Variants in RGS6 observed in about 807,000 individuals in gnomAD.
RGS6 encodes the protein regulator of G-protein signaling 6.
A neutral mutation model predicts 78.5 loss-of-function variants in RGS6; 30 were observed. That is an observed-to-expected ratio of 0.38 (90% CI 0.29 to 0.52). The LOEUF (loss-of-function observed/expected upper bound fraction) is 0.52, where lower values mean the gene tolerates loss of function less well. RGS6 is among the 20% of genes least tolerant of loss of function. The pLI, the probability that RGS6 is intolerant of heterozygous loss-of-function variation, is 0.85. For missense variants in RGS6, 495 were observed against 609.7 expected (o/e 0.81, Z 1.98); for synonymous variants, 206 against 206.0 (o/e 1.00, Z 0.00).
chr14:72,588,244 C>A, the RGS6 span, among the ~76,000 whole-genome samples: 1 of 152,060 alleles, frequency 6.6e-6, no homozygotes, highest in African/African-American at 2.4e-5. Context: ...TGTGGGAGTA[C>A]TTGGGAACTA....
At position 72,264,148 on chromosome 14, in the gene RGS6, G is replaced by A. The variant is rs563501654; in HGVS notation, c.85-87947G>A. On this transcript the variant is annotated intron_variant, in intron 2 of 17. Coordinates refer to ENST00000553525, the MANE Select transcript of RGS6 (RefSeq NM_001204424.2). ...TGTCACCAAACACATTACGAGAAAG[G>A]TTTGTTCTCAGGGCTTTTCGTAATT... Among the ~76,000 whole-genome samples the A allele has an allele frequency of 3.0e-3, 462 of 152,324 alleles. 4 individuals are homozygous for A. Among genetic ancestry groups the A allele is most frequent in the Non-Finnish European group, 4.5e-3 (307 of 68,028 alleles).
intron 3 of RGS6, among the ~76,000 whole-genome samples, chr14:72,409,500 A>G (rs1415482621): frequency 6.6e-6 from 1 of 151,418 alleles, no homozygotes; most frequent in Admixed American, 6.6e-5. Flanking sequence ...TGACCTCCCA[A>G]TTAAAATTTT....
chr14:72,514,313 A>G (rs1208607353), intron 14 of RGS6, among the ~76,000 whole-genome samples: 1 of 152,210 alleles, frequency 6.6e-6, no homozygotes, highest in Admixed American at 6.5e-5. Flanking sequence ...TGTATTTTCT[A>G]ACCCATGAAA....
chr14:72,309,445 G>A (rs955306623), intron 2 of RGS6, among the ~76,000 whole-genome samples: 1 of 152,228 alleles, frequency 6.6e-6, no homozygotes, highest in Non-Finnish European at 1.5e-5. Flanking sequence ...AAGTGAGTGA[G>A]TGGATACATA....
At chr14:72,099,205 G>A (rs1007960723) in intron 2 of RGS6, among the ~76,000 whole-genome samples, 2 of 152,238 alleles carry the variant, frequency 1.3e-5, no homozygotes, top group South Asian at 4.1e-4. Context: ...TGTCACCCAG[G>A]CTGGAGTGCA....
the RGS6 span, among the ~76,000 whole-genome samples, chr14:71,871,168 T>A: frequency 6.6e-6 from 1 of 152,094 alleles, no homozygotes; most frequent in African/African-American, 2.4e-5. Context: ...TACCTGCTAT[T>A]TGGGGGGTGA....
chr14:72,133,943 C>T (rs2096383544), intron 2 of RGS6, among the ~76,000 whole-genome samples: 2 of 152,304 alleles, frequency 1.3e-5, no homozygotes, highest in South Asian at 4.1e-4. Context: ...ATGGTTCCTC[C>T]ATGGAAGATC....
intron 2 of RGS6, among the ~76,000 whole-genome samples, chr14:72,048,190 A>G (rs192166748): frequency 1.3e-5 from 2 of 152,252 alleles, no homozygotes; most frequent in African/African-American, 4.8e-5. Flanking sequence ...TAGCTAAATT[A>G]TCACCCATCT....
chr14:72,255,663 C>T (rs540493512), intron 2 of RGS6, among the ~76,000 whole-genome samples: 60 of 152,214 alleles, frequency 3.9e-4, no homozygotes, highest in Non-Finnish European at 7.2e-4. Flanking sequence ...GATACTTTTT[C>T]GTGAGGGCTT....
chr14:71,925,023 G>A, the RGS6 span, among the ~76,000 whole-genome samples: 2 of 152,120 alleles, frequency 1.3e-5, no homozygotes, highest in Non-Finnish European at 2.9e-5. Flanking sequence ...GGCTCTACCA[G>A]TTTACATTCC....
At chr14:72,542,843 G>A (rs2097344415) in intron 17 of RGS6, among the ~76,000 whole-genome samples, 1 of 152,168 alleles carries the variant, frequency 6.6e-6, no homozygotes, top group African/African-American at 2.4e-5. Flanking sequence ...CCATGACATA[G>A]AGGGATTATC....
intron 2 of RGS6, among the ~76,000 whole-genome samples, chr14:72,018,194 G>GT (rs111521285): frequency 1.7e-4 from 26 of 151,790 alleles, no homozygotes; most frequent in Admixed American, 9.8e-4. Context: ...GTCTTTTCTT[G>GT]TTTGTTTTGT....
chr14:72,311,451 G>A (rs556966924), intron 2 of RGS6, among the ~76,000 whole-genome samples: 2 of 152,050 alleles, frequency 1.3e-5, no homozygotes, highest in African/African-American at 4.8e-5. Flanking sequence ...ATCAAAGTGG[G>A]ATAATCCTAC....
At chr14:72,145,149 T>G (rs2096591168) in intron 2 of RGS6, among the ~76,000 whole-genome samples, 1 of 152,122 alleles carries the variant, frequency 6.6e-6, no homozygotes, top group Admixed American at 6.5e-5. Context: ...GAACTGATGT[T>G]AGGTTTTACA....
chr14:72,619,497 G>A, the RGS6 span: 2 of 1,022,518 alleles, frequency 2.0e-6, no homozygotes, highest in Non-Finnish European at 2.8e-6. Flanking sequence ...TCCCAGGCCT[G>A]AAAACGTGCC....
chr14:71,957,683 A>G (rs1278072341), intron 1 of RGS6, among the ~76,000 whole-genome samples: 1 of 152,178 alleles, frequency 6.6e-6, no homozygotes, highest in East Asian at 1.9e-4. Flanking sequence ...CAGGGCCAGC[A>G]TGCCCTGTTA....
chr14:71,995,162 T>C (rs1259618360), intron 2 of RGS6, among the ~76,000 whole-genome samples: 1 of 152,096 alleles, frequency 6.6e-6, no homozygotes, highest in East Asian at 1.9e-4. Flanking sequence ...CATAAGCCCA[T>C]CTAAATTATG....
chr14:72,322,438 A>G (rs1405410300), intron 2 of RGS6, among the ~76,000 whole-genome samples: 6 of 152,040 alleles, frequency 3.9e-5, no homozygotes, highest in African/African-American at 1.4e-4. Flanking sequence ...CTCTTGAAAG[A>G]AAACACCAGT....
chr14:72,447,378 CCAG>C (rs1381455892), intron 3 of RGS6, among the ~76,000 whole-genome samples: 5 of 152,172 alleles, frequency 3.3e-5, no homozygotes, highest in Admixed American at 3.3e-4. Context: ...GTAGAGTTGT[CCAG>C]CCACAATGCC....
Sources: allele counts gnomAD v4.1 joint callset (sites outside exome capture counted in the v4.1 genomes callset), GRCh38; gene constraint gnomAD v4.1.1; transcripts MANE v1.5; gene names NCBI Gene and HGNC (gene_info 2026-07-23, HGNC 2026-07-21).